The following MSRB3 variants were observed in gnomAD, a reference collection of about 807,000 sequenced individuals.
The protein encoded by MSRB3 is methionine sulfoxide reductase B3.
A neutral mutation model predicts 21.0 loss-of-function variants in MSRB3; 13 were observed. That is an observed-to-expected ratio of 0.62 (90% CI 0.40 to 0.98). MSRB3 has a LOEUF of 0.98. Among genes scored for constraint, MSRB3 ranks in the 50% least tolerant of loss-of-function variants. MSRB3 has a pLI of 0.00. For missense variants in MSRB3, 199 were observed against 230.3 expected (o/e 0.86, Z 0.88); for synonymous variants, 87 against 88.6 (o/e 0.98, Z 0.10).
At position 65,464,591 on chromosome 12, in the gene MSRB3, G is replaced by T. The variant is rs1030234142; in HGVS notation, c.*1269G>T. 2 of 152,272 alleles carry T rather than the reference G, an allele frequency of 1.3e-5. No individual in the cohort carries two copies. The highest frequency in any genetic ancestry group is 4.8e-5 in the African/African-American group (2 of 41,450). 9.4% of individuals were successfully genotyped at this position (152,272 alleles called of 1,614,324 possible). ...CTCTCCACACCTAAAAGCAGCTGCA[G>T]CTGGAAGGGCACAAATTCCACTGTG... On this transcript the variant is annotated 3_prime_UTR_variant, in exon 7 of 7. Coordinates refer to ENST00000308259, the MANE Select transcript of MSRB3 (RefSeq NM_001031679.3).
At position 65,464,530 on chromosome 12, in the gene MSRB3, G is replaced by C. The variant is rs1439188091; in HGVS notation, c.*1208G>C. 1 of 152,170 alleles carries C rather than the reference G, an allele frequency of 6.6e-6. No homozygotes were observed. Among genetic ancestry groups the C allele is most frequent in the African/African-American group, 2.4e-5 (1 of 41,436 alleles). 9.4% of individuals were successfully genotyped at this position (152,170 alleles called of 1,614,324 possible). A position where few individuals can be genotyped will look rare whatever the true frequency, so the allele number is the denominator to read the frequency against. Reference sequence around the variant, plus strand: ...CCCCACTTGGTCTAAAATTCAAAAAGAAGAACGCCTGTCCATCGCCTTTTT... The same window carrying C: ...CCCCACTTGGTCTAAAATTCAAAAACAAGAACGCCTGTCCATCGCCTTTTT... On this transcript the variant is annotated 3_prime_UTR_variant, in exon 7 of 7. Coordinates refer to ENST00000308259, the MANE Select transcript of MSRB3 (RefSeq NM_001031679.3).
chr12:65,416,681 C>G, intron 5 of MSRB3, among the ~76,000 whole-genome samples: 1 of 152,202 alleles, frequency 6.6e-6, no homozygotes, highest in Non-Finnish European at 1.5e-5. Context: ...TAAGACGTTA[C>G]AATGGCTAAG....
chr12:65,370,193 G>C (rs556086134), intron 5 of MSRB3, among the ~76,000 whole-genome samples: 1 of 152,152 alleles, frequency 6.6e-6, no homozygotes, highest in East Asian at 1.9e-4. Context: ...ACTATATAGA[G>C]ACTAAAGGTG....
chr12:65,369,538 T>A (rs1208979030), intron 5 of MSRB3, among the ~76,000 whole-genome samples: 2 of 152,186 alleles, frequency 1.3e-5, no homozygotes, highest in Non-Finnish European at 2.9e-5. Flanking sequence ...TTATTTTGAA[T>A]CTATTAAGAC....
At chr12:65,330,809 A>G (rs1303201683) in intron 4 of MSRB3, among the ~76,000 whole-genome samples, 2 of 152,212 alleles carry the variant, frequency 1.3e-5, no homozygotes, top group Non-Finnish European at 2.9e-5. Context: ...CTGGCACAGC[A>G]CAGTCCACCT....
chr12:65,346,263 T>G (rs543909803), intron 4 of MSRB3, among the ~76,000 whole-genome samples: 5 of 152,332 alleles, frequency 3.3e-5, no homozygotes, highest in African/African-American at 1.2e-4. Flanking sequence ...CCTGACTTTT[T>G]AATGATTGCC....
At chr12:65,454,334 A>AAATAAATAAAT (rs1565899532) in intron 6 of MSRB3, 1 of 146,554 alleles carries the variant, frequency 6.8e-6, no homozygotes, top group Admixed American at 6.9e-5. Context: ...AATAAATAAA[A>AAATAAATAAAT]TGTCAGTTAT....
At chr12:65,358,090 T>C (rs1877493329) in intron 4 of MSRB3, among the ~76,000 whole-genome samples, 1 of 151,828 alleles carries the variant, frequency 6.6e-6, no homozygotes, top group South Asian at 2.1e-4. Context: ...GAGAAGTCTC[T>C]TTTTCTCTTT....
At chr12:65,302,311 T>C (rs1190238427) in intron 1 of MSRB3, among the ~76,000 whole-genome samples, 1 of 152,120 alleles carries the variant, frequency 6.6e-6, no homozygotes, top group Non-Finnish European at 1.5e-5. Flanking sequence ...CAGCTTCTCT[T>C]TGGTACCAAA....
chr12:65,433,339 T>C (rs1592633852), intron 5 of MSRB3, among the ~76,000 whole-genome samples: 2 of 152,094 alleles, frequency 1.3e-5, no homozygotes, highest in South Asian at 2.1e-4. Context: ...TTGATTTCTT[T>C]TCTGTTTTCT....
intron 1 of MSRB3, among the ~76,000 whole-genome samples, chr12:65,281,347 C>T (rs1872005583): frequency 6.6e-6 from 1 of 152,170 alleles, no homozygotes; most frequent in African/African-American, 2.4e-5. Context: ...CATGTCTCTT[C>T]TAACTCCAAG....
chr12:65,375,119 A>G (rs1451338870), intron 5 of MSRB3, among the ~76,000 whole-genome samples: 4 of 151,112 alleles, frequency 2.6e-5, no homozygotes, highest in Non-Finnish European at 5.9e-5. Flanking sequence ...TGCTGGGATT[A>G]CAGGCGTGAG....
At chr12:65,349,796 A>G (rs987322248) in intron 4 of MSRB3, among the ~76,000 whole-genome samples, 1 of 151,532 alleles carries the variant, frequency 6.6e-6, no homozygotes, top group Non-Finnish European at 1.5e-5. Flanking sequence ...TTCATTGTAG[A>G]TTCTGGATAT....
intron 3 of MSRB3, 133 bp downstream of exon 3, chr12:65,327,067 G>C: frequency 1.4e-6 from 1 of 716,176 alleles, no homozygotes; most frequent in South Asian, 1.6e-5. Context: ...TAGTATCCTT[G>C]AAAAGGTTAA....
intron 1 of MSRB3, among the ~76,000 whole-genome samples, chr12:65,295,720 C>A (rs1025718477): frequency 4.6e-5 from 7 of 151,956 alleles, no homozygotes; most frequent in African/African-American, 1.7e-4. Context: ...TGTAAAATTC[C>A]TATATAGAAT....
At chr12:65,323,637 A>G (rs550162595) in intron 2 of MSRB3, among the ~76,000 whole-genome samples, 12 of 152,356 alleles carry the variant, frequency 7.9e-5, no homozygotes, top group African/African-American at 2.9e-4. Context: ...AGAAAATTAC[A>G]GTACCTAAGT....
intron 5 of MSRB3, among the ~76,000 whole-genome samples, chr12:65,428,369 C>G (rs978051705): frequency 1.3e-5 from 2 of 151,932 alleles, no homozygotes; most frequent in African/African-American, 4.8e-5. Context: ...TGGGGACTCT[C>G]TGGGGTTATT....
chr12:65,395,735 A>G (rs1371943307), intron 5 of MSRB3, among the ~76,000 whole-genome samples: 2 of 152,158 alleles, frequency 1.3e-5, no homozygotes, highest in Non-Finnish European at 2.9e-5. Flanking sequence ...TGTGAGTTGG[A>G]TAGATTGTAT....
At chr12:65,315,013 G>A (rs1254890765) in intron 2 of MSRB3, among the ~76,000 whole-genome samples, 1 of 152,152 alleles carries the variant, frequency 6.6e-6, no homozygotes, top group African/African-American at 2.4e-5. Context: ...GTTTAATGAA[G>A]GAATGAGCCA....
Sources: allele counts gnomAD v4.1 joint callset (sites outside exome capture counted in the v4.1 genomes callset), GRCh38; gene constraint gnomAD v4.1.1; transcripts MANE v1.5; gene names NCBI Gene and HGNC (gene_info 2026-07-23, HGNC 2026-07-21).